Variants in USP48 observed in about 807,000 individuals in gnomAD.
USP48 encodes the protein ubiquitin specific peptidase 48.
A neutral mutation model predicts 150.7 loss-of-function variants in USP48; 43 were observed. That is an observed-to-expected ratio of 0.29 (90% CI 0.22 to 0.37). The LOEUF (loss-of-function observed/expected upper bound fraction) is 0.37, where lower values mean the gene tolerates loss of function less well. Among genes scored for constraint, USP48 ranks in the 10% least tolerant of loss-of-function variants. The pLI, the probability that USP48 is intolerant of heterozygous loss-of-function variation, is 1.00. For synonymous variants in USP48, 396 were observed against 425.9 expected (o/e 0.93, Z 0.86); for missense variants, 813 against 1,249.6 (o/e 0.65, Z 5.27).
rs763802899 is a variant in USP48, at chr1:21,695,186, A to T, written c.2763T>A (p.His921Gln). 1 of 1,612,656 alleles carries T rather than the reference A, an allele frequency of 6.2e-7. No homozygotes were observed. Among genetic ancestry groups the T allele is most frequent in the Non-Finnish European group, 8.5e-7 (1 of 1,179,610 alleles). Residue 921 changes from histidine to glutamine, a missense_variant, in exon 23 of 27, where the codon CAT becomes CAA. Physicochemically the swap from His to Gln is conservative, Grantham distance 24. Coordinates refer to ENST00000308271, the MANE Select transcript of USP48 (RefSeq NM_032236.8). Reference sequence around the variant, plus strand: ...GCTTTTGATAGGCTATATAATTTTGATGGGATATCTTTTGCCGCTTTGTTC... The same window carrying T: ...GCTTTTGATAGGCTATATAATTTTGTTGGGATATCTTTTGCCGCTTTGTTC... ...NGGTKRQKIS[H>Q]QNYIAYQKQV...
intron 14 of USP48, among the ~76,000 whole-genome samples, chr1:21,719,138 G>C (rs927527878): frequency 7.0e-6 from 1 of 143,264 alleles, no homozygotes; most frequent in Non-Finnish European, 1.5e-5. Context: ...GGTGGCACAT[G>C]TGTAATCCCA....
At chr1:21,684,257 G>GT (rs1208275359) in intron 25 of USP48, among the ~76,000 whole-genome samples, 7 of 152,272 alleles carry the variant, frequency 4.6e-5, no homozygotes, top group African/African-American at 1.4e-4. Context: ...CCAAAAGTCC[G>GT]TATAAGAGTT....
At chr1:21,739,462 T>C (rs2097776035) in intron 8 of USP48, among the ~76,000 whole-genome samples, 1 of 126,678 alleles carries the variant, frequency 7.9e-6, no homozygotes, top group African/African-American at 3.1e-5. Flanking sequence ...GAGGTTGCAG[T>C]GAGCCGAGAT....
intron 1 of USP48, among the ~76,000 whole-genome samples, chr1:21,771,519 A>C (rs1000366485): frequency 6.6e-6 from 1 of 151,294 alleles, no homozygotes; most frequent in African/African-American, 2.4e-5. Context: ...AAATTCTAAA[A>C]GGAATTAAGG....
At chr1:21,770,128 G>A (rs1396637290) in intron 1 of USP48, among the ~76,000 whole-genome samples, 3 of 150,506 alleles carry the variant, frequency 2.0e-5, no homozygotes, top group Non-Finnish European at 4.4e-5. Context: ...TTCCAGACTG[G>A]CCTGGGCAAC....
intron 15 of USP48, among the ~76,000 whole-genome samples, chr1:21,708,392 G>A (rs975385580): frequency 2.0e-4 from 31 of 152,034 alleles, no homozygotes; most frequent in African/African-American, 7.2e-4. Context: ...CAGCTACTCA[G>A]GAGGCTGAGG....
intron 6 of USP48, among the ~76,000 whole-genome samples, chr1:21,750,226 C>T (rs1226992729): frequency 6.6e-6 from 1 of 152,104 alleles, no homozygotes; most frequent in East Asian, 1.9e-4. Context: ...ACACTAACCG[C>T]CCCCCACCCA....
chr1:21,756,474 C>CAAAA (rs35545280), intron 3 of USP48, 72 bp downstream of exon 3: 72 of 1,175,810 alleles, frequency 6.1e-5, no homozygotes, highest in Middle Eastern at 2.3e-4. Context: ...GAGGAAGACT[C>CAAAA]AAAAAAAAAA....
chr1:21,775,630 C>A (rs2097896230), intron 1 of USP48, among the ~76,000 whole-genome samples: 1 of 152,224 alleles, frequency 6.6e-6, no homozygotes, highest in African/African-American at 2.4e-5. Context: ...TAGAGTGCTT[C>A]ACACATTTCT....
intron 15 of USP48, among the ~76,000 whole-genome samples, chr1:21,709,185 C>G (rs1426681682): frequency 6.6e-6 from 1 of 152,092 alleles, no homozygotes; most frequent in Non-Finnish European, 1.5e-5. Context: ...TATGCCTGGT[C>G]CCTATAATTT....
intron 12 of USP48, among the ~76,000 whole-genome samples, chr1:21,723,047 G>A (rs931634531): frequency 2.6e-5 from 4 of 152,184 alleles, no homozygotes; most frequent in African/African-American, 7.2e-5. Flanking sequence ...GGAGGATTGT[G>A]TTGGCAGCTA....
At chr1:21,739,672 G>A (rs187650738) in intron 8 of USP48, among the ~76,000 whole-genome samples, 1 of 151,930 alleles carries the variant, frequency 6.6e-6, no homozygotes, top group Admixed American at 6.5e-5. Context: ...TGTTATTTTA[G>A]CTATTTCAAA....
intron 7 of USP48, among the ~76,000 whole-genome samples, chr1:21,747,531 C>T (rs1328319915): frequency 1.3e-5 from 2 of 151,402 alleles, no homozygotes; most frequent in Admixed American, 1.3e-4. Context: ...AAATAAAGGA[C>T]AATACAGAAG....
At chr1:21,683,112 T>G (rs1376131786) in intron 25 of USP48, among the ~76,000 whole-genome samples, 1 of 152,062 alleles carries the variant, frequency 6.6e-6, no homozygotes, top group African/African-American at 2.4e-5. Flanking sequence ...AATACAAAAG[T>G]TAGCCAGGCA....
In USP48 at chr1:21,780,649, C is replaced by T. The variant is rs994476822; in HGVS notation, c.134+2175G>A. On this transcript the variant is annotated intron_variant, in intron 1 of 26. Transcript: ENST00000308271. ...AAAGGAAATCAGTCACAAAAGTCCA[C>T]GTATTTTAGGATTCCATTTATATGA... Among the ~76,000 whole-genome samples the T allele has an allele frequency of 6.0e-5, 9 of 150,912 alleles. No homozygotes were observed. The South Asian group carries it at 6.3e-4, about 11-fold the overall frequency.
At chr1:21,756,819 G>T in intron 2 of USP48, 117 bp from the exon 3 acceptor site, 1 of 1,455,880 alleles carries the variant, frequency 6.9e-7, no homozygotes, top group Non-Finnish European at 9.0e-7. Context: ...AACCAACATG[G>T]TATAGCCACC....
At chr1:21,696,309 C>T (rs966184620) in intron 22 of USP48, among the ~76,000 whole-genome samples, 2 of 152,150 alleles carry the variant, frequency 1.3e-5, no homozygotes, top group Non-Finnish European at 2.9e-5. Context: ...CATGGTGGCT[C>T]ATGCCTGTAA....
At chr1:21,717,617 T>G (rs1440682736) in intron 14 of USP48, among the ~76,000 whole-genome samples, 1 of 152,110 alleles carries the variant, frequency 6.6e-6, no homozygotes, top group Non-Finnish European at 1.5e-5. Flanking sequence ...TGAAAAACAT[T>G]AAGCCTCAAC....
rs376010848 is a variant in USP48 at position 21,737,951 on chromosome 1, G to A, written c.992-1326C>T. Among the ~76,000 whole-genome samples the A allele has an allele frequency of 1.1e-4, 16 of 151,810 alleles. 1 individual carries two copies. Among genetic ancestry groups the A allele is most frequent in the East Asian group, 7.7e-4 (4 of 5,166 alleles). On this transcript the variant is annotated intron_variant, in intron 8 of 26. Transcript: ENST00000308271. ...TCTTGTTCTGTCACCAGACTAGGGT[G>A]CAGTGGCACAATCATAGCTCACTGC... is the stretch of plus-strand genomic sequence containing the variant.
Sources: allele counts gnomAD v4.1 joint callset (sites outside exome capture counted in the v4.1 genomes callset), GRCh38; gene constraint gnomAD v4.1.1; transcripts MANE v1.5; gene names NCBI Gene and HGNC (gene_info 2026-07-23, HGNC 2026-07-21).